The following ZNF496 variants were observed in gnomAD, a reference collection of about 807,000 sequenced individuals.
ZNF496 encodes zinc finger protein 496.
Under a neutral mutation model 58.9 loss-of-function variants are expected in ZNF496, and 11 were observed. The ratio of observed to expected loss-of-function variants is 0.19; its 90% CI spans 0.12 to 0.31. The LOEUF (loss-of-function observed/expected upper bound fraction) is 0.31. Among genes scored for constraint, ZNF496 ranks in the 10% least tolerant of loss-of-function variants. ZNF496 has a pLI of 1.00. For missense variants in ZNF496, 660 were observed against 783.0 expected, an observed-to-expected ratio of 0.84 and a Z score of 1.88; for synonymous variants, 338 against 318.2, an observed-to-expected ratio of 1.06 and a Z score of -0.66.
intron 6 of ZNF496, among the ~76,000 whole-genome samples, chr1:247,320,259 C>G (rs557483126): frequency 6.6e-6 from 1 of 152,342 alleles, no homozygotes; most frequent in East Asian, 1.9e-4. Flanking sequence ...GTTAAACGAA[C>G]TGTTGGACTT....
rs1659229894 is a variant in ZNF496 at position 247,301,340 on chromosome 1, C to T, written c.1007-64G>A. On this transcript the variant is annotated intron_variant, in intron 9 of 9. Transcript: ENST00000682384. ...GGCCACATCCCAGCCCCTATGACCG[C>T]GGCGGAGGAACACTCAGCTTGGAGT... 4.8e-6 allele frequency: 7 copies of T among 1,469,734 alleles called. 1 individual carries two copies. Among genetic ancestry groups the T allele is most frequent in the South Asian group, 3.0e-5 (2 of 66,206 alleles). 91.0% of individuals were successfully genotyped at this position (1,469,734 alleles called of 1,614,324 possible). A position where few individuals can be genotyped will look rare whatever the true frequency, so the allele number is the denominator to read the frequency against.
chr1:247,309,282 C>A lies in ZNF496; in HGVS notation c.892+417G>T. 1 of 650,256 alleles carries A rather than the reference C, an allele frequency of 1.5e-6. No individual in the cohort carries two copies. The highest frequency in any genetic ancestry group is 2.0e-6 in the Non-Finnish European group (1 of 511,766). The allele number at this position is 650,256 out of a possible 1,614,324, so 40.3% of individuals were successfully genotyped here. A position where few individuals can be genotyped will look rare whatever the true frequency, so the allele number is the denominator to read the frequency against. On this transcript the variant is annotated intron_variant, in intron 8 of 9. Coordinates refer to ENST00000682384, the MANE Select transcript of ZNF496 (RefSeq NM_032752.3). This position sits in a 1 kb window ranked among gnomAD's most constrained non-coding sequence, Gnocchi z 4.3. Reference sequence around the variant, plus strand: ...CAGTGTCCTCACAGCACCCCTGTACCAGGCAGATGGGAAGACTAGACAGGT... The same window carrying A: ...CAGTGTCCTCACAGCACCCCTGTACAAGGCAGATGGGAAGACTAGACAGGT...
rs1024188721 is a variant in ZNF496 at position 247,315,943 on chromosome 1, T to C, written c.652-5487A>G. Among the ~76,000 whole-genome samples, 11 of 152,062 alleles carry C rather than the reference T, an allele frequency of 7.2e-5. No homozygotes were observed. In the East Asian group the frequency reaches 2.1e-3, roughly 29 times the overall value. Reference sequence around the variant, plus strand: ...GGATCTGCTGCTCGGAAGAGGTCAGTGTGGAAAAGCCTGTCTTCCCAGGCT... The same window carrying C: ...GGATCTGCTGCTCGGAAGAGGTCAGCGTGGAAAAGCCTGTCTTCCCAGGCT... On this transcript the variant is annotated intron_variant, in intron 6 of 9. Coordinates refer to ENST00000682384, the MANE Select transcript of ZNF496 (RefSeq NM_032752.3).
rs183192538 is a variant in ZNF496, at chr1:247,327,343, C to T, written c.574+1340G>A. Among the ~76,000 whole-genome samples the T allele has an allele frequency of 2.5e-3, 379 of 152,288 alleles. 4 individuals carry two copies. Among genetic ancestry groups the T allele is most frequent in the African/African-American group, 8.6e-3 (358 of 41,560 alleles). On this transcript the variant is annotated intron_variant, in intron 5 of 9. Coordinates refer to ENST00000682384, the MANE Select transcript of ZNF496 (RefSeq NM_032752.3). ...CCTCCCAAAGTGCTGGGATTACAGG[C>T]GTGAGCCACCGCGCCCAACCCCTAG... is the stretch of plus-strand genomic sequence containing the variant.
intron 6 of ZNF496, among the ~76,000 whole-genome samples, chr1:247,319,057 A>G (rs571316891): frequency 6.6e-6 from 1 of 152,190 alleles, no homozygotes; most frequent in South Asian, 2.1e-4. Flanking sequence ...ACAGCTTACT[A>G]TGCAGCCTCA....
At chr1:247,319,710 G>T (rs759782063) in intron 6 of ZNF496, among the ~76,000 whole-genome samples, 12 of 152,132 alleles carry the variant, frequency 7.9e-5, no homozygotes, top group Non-Finnish European at 1.3e-4. Flanking sequence ...ATCACGTGAG[G>T]TCAGAAGTTC....
At chr1:247,328,631 G>A (rs1361805937) in intron 5 of ZNF496, 52 bp downstream of exon 5, 1 of 1,477,178 alleles carries the variant, frequency 6.8e-7, no homozygotes, top group African/African-American at 1.4e-5. Flanking sequence ...TGCACAGTAT[G>A]GGGTGTGCAC....
At chr1:247,330,988 C>T (rs774868787) in intron 2 of ZNF496, among the ~76,000 whole-genome samples, 1 of 152,246 alleles carries the variant, frequency 6.6e-6, no homozygotes. Flanking sequence ...CGCTCCCCAC[C>T]ACCGGATCGC....
At chr1:247,320,296 C>T (rs77857911) in intron 6 of ZNF496, among the ~76,000 whole-genome samples, 3,254 of 152,226 alleles carry the variant, frequency 0.021, 118 homozygotes, top group African/African-American at 0.074. Flanking sequence ...TACTCAGCAA[C>T]GAAAAGCAAT....
At chr1:247,307,943 A>T in intron 9 of ZNF496, 1 of 985,450 alleles carries the variant, frequency 1.0e-6, no homozygotes, top group Non-Finnish European at 1.2e-6. Flanking sequence ...ACACTTTCCA[A>T]GAGTCCTGTG....
intron 5 of ZNF496, among the ~76,000 whole-genome samples, chr1:247,325,302 G>A (rs1660086650): frequency 6.6e-6 from 1 of 152,198 alleles, no homozygotes; most frequent in African/African-American, 2.4e-5. Flanking sequence ...GTAGATTTGA[G>A]GAGGTGGTAT....
Position 247,323,192 on chromosome 1 carries a change from G to A in ZNF496, c.613C>T (p.Arg205Trp), listed in dbSNP as rs148779406. ...DAFLLQEENV[R>W]DTQQVTTLQL... ...AGGGTGGTCACCTGCTGTGTGTCCCGCACATTCTCTTCCTGAAGAAGGAAA... is the reference window on the plus strand; with the variant it reads ...AGGGTGGTCACCTGCTGTGTGTCCCACACATTCTCTTCCTGAAGAAGGAAA... Residue 205 changes from arginine to tryptophan, a missense_variant, in exon 6 of 10, where the codon CGG becomes TGG. Transcript: ENST00000682384. The A allele has an allele frequency of 6.4e-5, 104 of 1,613,820 alleles. No individual in the cohort carries two copies. The highest frequency in any genetic ancestry group is 4.9e-4 in the South Asian group (45 of 91,072).
At chr1:247,328,022 T>C (rs1660194258) in intron 5 of ZNF496, among the ~76,000 whole-genome samples, 1 of 152,218 alleles carries the variant, frequency 6.6e-6, no homozygotes, top group South Asian at 2.1e-4. Flanking sequence ...AAAAGGTAAT[T>C]ACTATCTCTG....
chr1:247,306,296 A>G (rs1659405791), intron 9 of ZNF496, among the ~76,000 whole-genome samples: 1 of 151,922 alleles, frequency 6.6e-6, no homozygotes. Flanking sequence ...CCTGAGTTCA[A>G]GCAATTCTCT....
At position 247,328,875 on chromosome 1, in the gene ZNF496, C is replaced by G; in HGVS notation, c.391-9G>C. The G allele has an allele frequency of 6.3e-7, 1 of 1,576,606 alleles. No homozygotes were observed. Among genetic ancestry groups the G allele is most frequent in the Non-Finnish European group, 8.6e-7 (1 of 1,160,624 alleles). Reference sequence around the variant, plus strand: ...TCTTCACAGTGCTTGAGCTGCAATCCCAGAGACAGCTTTTCAGGGCTAGGG... The same window carrying G: ...TCTTCACAGTGCTTGAGCTGCAATCGCAGAGACAGCTTTTCAGGGCTAGGG... On this transcript the variant is annotated splice_polypyrimidine_tract_variant and intron_variant, in intron 4 of 9. Transcript: ENST00000682384.
chr1:247,331,228 T>C (rs1305865111), intron 2 of ZNF496, among the ~76,000 whole-genome samples: 2 of 152,182 alleles, frequency 1.3e-5, no homozygotes, highest in African/African-American at 4.8e-5. Flanking sequence ...AGATGCCTGA[T>C]GAATGAACTA....
rs528313246 is a variant in ZNF496, at chr1:247,314,698, G to A, written c.652-4242C>T. On this transcript the variant is annotated intron_variant, in intron 6 of 9. Transcript: ENST00000682384. ...TCAGTTACTGTCAGATGGTTTCCCC[G>A]GGTGTTGGGGCCAGGCACCCAGGAC... Among the ~76,000 whole-genome samples the A allele has an allele frequency of 2.0e-4, 30 of 152,218 alleles. No individual in the cohort carries two copies. In the South Asian group the frequency reaches 3.9e-3, roughly 20 times the overall value.
rs1182809376 is a variant in ZNF496 at position 247,300,647 on chromosome 1, G to A, written c.1636C>T (p.Leu546=). The change falls in exon 10 of 10, where the codon CTG becomes TTG. Residue 546 remains leucine (L), a synonymous_variant. Coordinates refer to ENST00000682384, the MANE Select transcript of ZNF496 (RefSeq NM_032752.3). This position sits in a 1 kb window ranked among gnomAD's most constrained non-coding sequence, Gnocchi z 5.7. ...HLARHRSHFH[L]KDKARPFQCR... is the part of the protein sequence containing the mutation. ...TGGAAGGGCCGGGCTTTGTCCTTCA[G>A]GTGAAAGTGGCTGCGGTGCCGAGCC... 16 of 1,614,054 alleles carry A rather than the reference G, an allele frequency of 9.9e-6. No homozygotes were observed. The East Asian group carries it at 3.6e-4, about 36-fold the overall frequency.
chr1:247,316,258 C>T (rs183019070), intron 6 of ZNF496, among the ~76,000 whole-genome samples: 6 of 150,118 alleles, frequency 4.0e-5, no homozygotes, highest in East Asian at 3.9e-4. Flanking sequence ...GTGGGGGTCC[C>T]GAGGGAAAAA....
Sources: gnomAD v4.1 joint callset for allele counts (sites outside exome capture counted in the v4.1 genomes callset) on GRCh38, gnomAD v4.1.1 for gene constraint, Gnocchi (gnomAD v3.1) non-coding constraint, MANE v1.5 for transcripts, NCBI Gene and HGNC (gene_info 2026-07-23, HGNC 2026-07-21) for gene names.